The following IRF4 variants were observed in gnomAD, a reference collection of about 807,000 sequenced individuals.
The protein encoded by IRF4 is interferon regulatory factor 4, also known as lymphocyte-specific interferon regulatory factor.
A neutral mutation model predicts 55.5 loss-of-function variants in IRF4; 13 were observed. The observed-to-expected ratio is 0.23, with a 90% confidence interval of 0.15 to 0.37. The LOEUF is 0.37. IRF4 is among the 10% of genes least tolerant of loss of function. The probability of loss-of-function intolerance (pLI) is 1.00; values close to 1 mark genes in which losing one functional copy is unlikely to be tolerated. For synonymous variants in IRF4, 249 were observed against 240.7 expected, an observed-to-expected ratio of 1.03 and a Z score of -0.32; for missense variants, 397 against 593.8, an observed-to-expected ratio of 0.67 and a Z score of 3.44.
intron 5 of IRF4, among the ~76,000 whole-genome samples, chr6:398,131 A>T (rs560276851): frequency 6.6e-6 from 1 of 152,326 alleles, no homozygotes; most frequent in East Asian, 1.9e-4. Flanking sequence ...GGTTTCCAAT[A>T]TGGTAGTGGA....
rs1340951937 is a variant in IRF4 at position 393,726 on chromosome 6, G to A, written c.216+358G>A. Among the ~76,000 whole-genome samples, 8 of 152,050 alleles carry A rather than the reference G, an allele frequency of 5.3e-5. No homozygotes were observed. Among genetic ancestry groups the A allele is most frequent in the Admixed American group, 5.2e-4 (8 of 15,282 alleles). ...CCCTTCCTCCGGGCTCCCGTCTGCC[G>A]CCTCCGTCCGTGGGTCCCCCTCGCC... On this transcript the variant is annotated intron_variant, in intron 2 of 8. Transcript: ENST00000380956. The surrounding 1 kb of genome is among the most constrained non-coding windows in gnomAD (Gnocchi z 5.4).
chr6:391,930 G>A (rs1161670091), intron 1 of IRF4, 121 bp downstream of exon 1: 1 of 442,418 alleles, frequency 2.3e-6, no homozygotes, highest in Admixed American at 2.4e-5. Flanking sequence ...GAGCGGGAAG[G>A]GAGCGCGCCC....
intron 8 of IRF4, among the ~76,000 whole-genome samples, chr6:406,504 T>C (rs985869757): frequency 6.6e-6 from 1 of 151,680 alleles, no homozygotes; most frequent in African/African-American, 2.4e-5. Flanking sequence ...ATTGCACCAC[T>C]GCACTCCAGC....
rs2127436076 is a variant in IRF4 at position 393,198 on chromosome 6, G to A, written c.46G>A (p.Ala16Thr). 2 of 1,556,956 alleles carry A rather than the reference G, an allele frequency of 1.3e-6. No homozygotes were observed. The highest frequency in any genetic ancestry group is 2.4e-5 in the East Asian group (1 of 41,632). ...CCGAGGCGGAGAGTTCGGCATGAGC[G>A]CGGTGAGCTGCGGCAACGGGAAGCT... ...GGRGGEFGMS[A>T]VSCGNGKLRQ... The change falls in exon 2 of 9, where the codon GCG becomes ACG. Residue 16 changes from alanine (A) to threonine (T), a missense_variant. Coordinates refer to ENST00000380956, the MANE Select transcript of IRF4 (RefSeq NM_002460.4). The surrounding 1 kb of genome is among the most constrained non-coding windows in gnomAD (Gnocchi z 5.4).
intron 7 of IRF4, among the ~76,000 whole-genome samples, chr6:402,155 T>C (rs559771646): frequency 6.6e-6 from 1 of 152,358 alleles, no homozygotes; most frequent in African/African-American, 2.4e-5. Flanking sequence ...TTCTTGGTTG[T>C]CAGGTGTGTC....
intron 6 of IRF4, among the ~76,000 whole-genome samples, 170 bp downstream of exon 6, chr6:399,105 G>A (rs979053164): frequency 2.0e-5 from 3 of 152,180 alleles, no homozygotes; most frequent in Non-Finnish European, 4.4e-5. Flanking sequence ...TGATTTAGGA[G>A]CACCATTAGA....
rs1761692208 is a variant in IRF4 at position 411,166 on chromosome 6, C to CT, written c.*3570dup. 4.3e-6 allele frequency: 1 copy of CT among 231,856 alleles called. No homozygotes were observed. The highest frequency in any genetic ancestry group is 2.2e-5 in the African/African-American group (1 of 45,260). 14.4% of individuals were successfully genotyped at this position (231,856 alleles called of 1,614,324 possible). Reference sequence around the variant, plus strand: ...GGGACTTAACAGGCAATGGGGTCCACTTCCCCCTCTTCAGCATCCCCCGTA... The same window carrying CT: ...GGGACTTAACAGGCAATGGGGTCCACTTTCCCCCTCTTCAGCATCCCCCGTA... On this transcript the variant is annotated 3_prime_UTR_variant, in exon 9 of 9. Transcript: ENST00000380956.
chr6:404,808 C>T (rs757588111), intron 7 of IRF4, among the ~76,000 whole-genome samples: 1 of 152,146 alleles, frequency 6.6e-6, no homozygotes, highest in African/African-American at 2.4e-5. Flanking sequence ...CGAGGGAGAC[C>T]GAGGGCCCTG....
rs1761190864 is a variant in IRF4, at chr6:393,929, T to C, written c.216+561T>C. Among the ~76,000 whole-genome samples the C allele has an allele frequency of 6.6e-6, 1 of 152,192 alleles. No individual in the cohort carries two copies. The highest frequency in any genetic ancestry group is 1.9e-4 in the East Asian group (1 of 5,190). On this transcript the variant is annotated intron_variant, in intron 2 of 8. Coordinates refer to ENST00000380956, the MANE Select transcript of IRF4 (RefSeq NM_002460.4). This position sits in a 1 kb window ranked among gnomAD's most constrained non-coding sequence, Gnocchi z 5.4. Reference sequence around the variant, plus strand: ...ACTCCCACCTCTGTCTTTCTCTTTGTGTGTCTCTGTCTCTCTCTTTCCCCC... The same window carrying C: ...ACTCCCACCTCTGTCTTTCTCTTTGCGTGTCTCTGTCTCTCTCTTTCCCCC...
intron 7 of IRF4, among the ~76,000 whole-genome samples, chr6:403,497 C>T (rs1436656690): frequency 6.6e-6 from 1 of 152,204 alleles, no homozygotes; most frequent in Non-Finnish European, 1.5e-5. Context: ...GTAGAGCCCC[C>T]GTGGTGACTA....
In IRF4 at chr6:401,668, C is replaced by T. The variant is rs1180352998; in HGVS notation, c.990C>T (p.Cys330=). The T allele has an allele frequency of 3.7e-6, 6 of 1,614,220 alleles. No homozygotes were observed. The highest frequency in any genetic ancestry group is 5.1e-6 in the Non-Finnish European group (6 of 1,180,044). ...ACGGGCTCTATGCGAAAAGACTGTG[C>T]CAGAGCAGGATCTACTGGGACGGGC... is the stretch of plus-strand genomic sequence containing the variant. The part of the protein sequence containing the change: ...APDGLYAKRL[C]QSRIYWDGPL... Residue 330 remains cysteine, a synonymous_variant, in exon 7 of 9, where the codon TGC becomes TGT. Transcript: ENST00000380956.
At chr6:397,526 C>T in intron 5 of IRF4, 1 of 382,588 alleles carries the variant, frequency 2.6e-6, no homozygotes, top group Non-Finnish European at 4.7e-6. Context: ...AACAGCCCCC[C>T]ACTTTTTATA....
At chr6:401,906 T>C (rs1761412735) in intron 7 of IRF4, 129 bp downstream of exon 7, 2 of 743,282 alleles carry the variant, frequency 2.7e-6, no homozygotes, top group African/African-American at 1.8e-5. Context: ...CCCACTGGGC[T>C]TGGGGCTTGA....
chr6:407,612 G>A lies in IRF4; in HGVS notation c.*14G>A, dbSNP rs768455849. 1.2e-5 allele frequency: 18 copies of A among 1,536,432 alleles called. No homozygotes were observed. The South Asian group carries it at 2.0e-4, about 17-fold the overall frequency. ...ATTCAAGAATGAAAAATGTCAAGATGAGTGGTTTTCTTTTTCCTTTTTTTT... is the reference window on the plus strand; with the variant it reads ...ATTCAAGAATGAAAAATGTCAAGATAAGTGGTTTTCTTTTTCCTTTTTTTT... On this transcript the variant is annotated 3_prime_UTR_variant, in exon 9 of 9. Transcript: ENST00000380956.
At position 408,751 on chromosome 6, in the gene IRF4, C is replaced by T. The variant is rs7757384; in HGVS notation, c.*1153C>T. ...ATGGCGACACTAAAGGAGGAGGAGCCGGGGACTCCCAGGCTGGAGAGCACT... is the reference window on the plus strand; with the variant it reads ...ATGGCGACACTAAAGGAGGAGGAGCTGGGGACTCCCAGGCTGGAGAGCACT... On this transcript the variant is annotated 3_prime_UTR_variant, in exon 9 of 9. Coordinates refer to ENST00000380956, the MANE Select transcript of IRF4 (RefSeq NM_002460.4). 727 of 232,582 alleles carry T rather than the reference C, an allele frequency of 3.1e-3. 9 individuals are homozygous for T. The highest frequency in any genetic ancestry group is 0.015 in the African/African-American group (676 of 45,356). 14.4% of individuals were successfully genotyped at this position (232,582 alleles called of 1,614,324 possible). A position where few individuals can be genotyped will look rare whatever the true frequency, so the allele number is the denominator to read the frequency against.
At chr6:406,960 T>C (rs1415435529) in intron 8 of IRF4, 1 of 950,770 alleles carries the variant, frequency 1.1e-6, no homozygotes, top group South Asian at 3.9e-5. Flanking sequence ...AGCTTCTCTT[T>C]TTCCACAATA....
chr6:403,544 G>A (rs73717075), intron 7 of IRF4, among the ~76,000 whole-genome samples: 4,216 of 152,330 alleles, frequency 0.028, 59 homozygotes, highest in Middle Eastern at 0.054. Flanking sequence ...GGTGCACTGC[G>A]TGAGAGACAG....
intron 7 of IRF4, among the ~76,000 whole-genome samples, chr6:404,410 C>CAGGCAAGA (rs138303497): frequency 0.034 from 5,226 of 152,306 alleles, 284 homozygotes; most frequent in African/African-American, 0.12. Context: ...TCCCTGGAGA[C>CAGGCAAGA]AGGCAAGAAG....
intron 1 of IRF4, among the ~76,000 whole-genome samples, chr6:392,247 G>C (rs901079154): frequency 6.6e-6 from 1 of 152,248 alleles, no homozygotes; most frequent in East Asian, 1.9e-4. Flanking sequence ...CCAAGCTCAC[G>C]GCGGCCTCCG....
Sources: allele counts gnomAD v4.1 joint callset (sites outside exome capture counted in the v4.1 genomes callset), GRCh38; gene constraint gnomAD v4.1.1; non-coding constraint Gnocchi (gnomAD v3.1); transcripts MANE v1.5; gene names NCBI Gene and HGNC (gene_info 2026-07-23, HGNC 2026-07-21).